The following POMT2 variants were observed in gnomAD, a reference collection of about 807,000 sequenced individuals.
The protein encoded by POMT2 is protein O-mannosyltransferase 2.
A neutral mutation model predicts 100.0 loss-of-function variants in POMT2; 75 were observed. The ratio of observed to expected loss-of-function variants is 0.75; its 90% CI spans 0.62 to 0.91. The LOEUF (loss-of-function observed/expected upper bound fraction) is 0.91. Ranked by LOEUF, POMT2 falls within the 40% of genes least tolerant of loss-of-function variation. The pLI, the probability that POMT2 is intolerant of heterozygous loss-of-function variation, is 0.00. For missense variants in POMT2, 940 were observed against 955.1 expected, an observed-to-expected ratio of 0.98 and a Z score of 0.21; for synonymous variants, 378 against 374.1, an observed-to-expected ratio of 1.01 and a Z score of -0.12.
intron 4 of POMT2, 152 bp downstream of exon 4, chr14:77,304,540 C>A (rs1891158727): frequency 7.9e-7 from 1 of 1,259,446 alleles, no homozygotes; most frequent in Non-Finnish European, 1.1e-6. Flanking sequence ...TTAAGTATTA[C>A]TAGTGAATGA....
intron 4 of POMT2, among the ~76,000 whole-genome samples, chr14:77,303,152 ACT>A (rs1210033617): frequency 6.6e-6 from 1 of 151,988 alleles, no homozygotes; most frequent in Non-Finnish European, 1.5e-5. Flanking sequence ...AGAAGCAGTA[ACT>A]CACACTGCCT....
chr14:77,292,727 C>T (rs1890681244), intron 9 of POMT2, among the ~76,000 whole-genome samples: 1 of 152,076 alleles, frequency 6.6e-6, no homozygotes. Context: ...TTTACTATAC[C>T]ATTTCCATGT....
At chr14:77,279,078 C>A in intron 18 of POMT2, 1 of 680,796 alleles carries the variant, frequency 1.5e-6, no homozygotes, top group Non-Finnish European at 2.6e-6. Context: ...GCCTGGGCAC[C>A]AATGGCAGGT....
intron 16 of POMT2, 75 bp downstream of exon 16, chr14:77,280,317 C>A (rs1476222962): frequency 1.2e-6 from 2 of 1,603,156 alleles, no homozygotes; most frequent in Non-Finnish European, 1.7e-6. Flanking sequence ...AGTACACCCA[C>A]CCCCGCCTCC....
Position 77,306,272 on chromosome 14 carries a change from A to G in POMT2, c.438+65T>C, listed in dbSNP as rs566361290. 120 of 1,600,590 alleles carry G rather than the reference A, an allele frequency of 7.5e-5. No homozygotes were observed. The East Asian group carries it at 2.3e-3, about 31-fold the overall frequency. On this transcript the variant is annotated intron_variant, in intron 3 of 20. Transcript: ENST00000261534. Reference sequence around the variant, plus strand: ...TGCCACCACGCCAGGGCTGCTAACTATAACATTTCTGGTTTAGTGTGGCCC... The same window carrying G: ...TGCCACCACGCCAGGGCTGCTAACTGTAACATTTCTGGTTTAGTGTGGCCC...
chr14:77,276,352 A>C lies in POMT2; in HGVS notation c.*1024T>G, dbSNP rs1889952548. ...GGAGGGGTGAGCAGAGGAGGACTGC[A>C]GAAGTGACACTGGGAAAGCTCAGCA... On this transcript the variant is annotated 3_prime_UTR_variant, in exon 21 of 21. Coordinates refer to ENST00000261534, the MANE Select transcript of POMT2 (RefSeq NM_013382.7). 6.5e-6 allele frequency: 1 copy of C among 152,860 alleles called. No homozygotes were observed. The highest frequency in any genetic ancestry group is 2.4e-5 in the African/African-American group (1 of 41,470). The allele number at this position is 152,860 out of a possible 1,614,324, so 9.5% of individuals were successfully genotyped here. A position where few individuals can be genotyped will look rare whatever the true frequency, so the allele number is the denominator to read the frequency against.
intron 5 of POMT2, 147 bp from the exon 6 acceptor site, chr14:77,301,396 G>T: frequency 9.1e-7 from 1 of 1,096,164 alleles, no homozygotes; most frequent in Non-Finnish European, 1.3e-6. Context: ...CCATGGCGTG[G>T]CTCCATGGAG....
chr14:77,278,736 C>A lies in POMT2; in HGVS notation c.2025G>T (p.Met675Ile). The change falls in exon 19 of 21, where the codon ATG (methionine) becomes ATT (isoleucine). Residue 675 changes from methionine to isoleucine, a missense_variant. By Grantham distance (10) the Met-to-Ile change is conservative. Coordinates refer to ENST00000261534, the MANE Select transcript of POMT2 (RefSeq NM_013382.7). ...HYFPAMLFSSMLTGILWDTLL... is the reference protein window; with the variant it reads ...HYFPAMLFSSILTGILWDTLL... ...CAGGTGGGTGGCACTGACCTGTCAA[C>A]ATGCTTGAGAAGAGCATGGCTGGGA... 1.2e-6 allele frequency: 2 copies of A among 1,613,952 alleles called. No individual in the cohort carries two copies.
intron 2 of POMT2, among the ~76,000 whole-genome samples, chr14:77,311,366 C>A (rs1891430433): frequency 6.6e-6 from 1 of 152,192 alleles, no homozygotes; most frequent in African/African-American, 2.4e-5. Context: ...TAACATCCAC[C>A]ATTTTAAAGT....
intron 10 of POMT2, 123 bp from the exon 11 acceptor site, chr14:77,288,954 T>G: frequency 1.2e-6 from 1 of 831,784 alleles, no homozygotes; most frequent in South Asian, 1.4e-5. Context: ...CCAGGTACTC[T>G]GAGACCAAAG....
At chr14:77,288,852 T>C (rs767800401) in intron 10 of POMT2, 21 bp from the exon 11 acceptor site, 13 of 1,609,038 alleles carry the variant, frequency 8.1e-6, no homozygotes, top group Non-Finnish European at 1.1e-5. Context: ...GAAACAAGCA[T>C]TGATATCCAA....
At chr14:77,302,806 C>T (rs754635214) in intron 5 of POMT2, 29 bp downstream of exon 5, 2 of 1,582,712 alleles carry the variant, frequency 1.3e-6, no homozygotes, top group South Asian at 1.1e-5. Flanking sequence ...AGCTTCCAAC[C>T]CTCCCCTCCC....
At chr14:77,306,595 G>T in intron 2 of POMT2, 154 bp from the exon 3 acceptor site, 1 of 754,628 alleles carries the variant, frequency 1.3e-6, no homozygotes, top group Non-Finnish European at 2.2e-6. Context: ...TCCTGCAGCT[G>T]CCACAGAGCA....
chr14:77,298,149 A>C (rs1186220042), intron 8 of POMT2, among the ~76,000 whole-genome samples: 1 of 151,804 alleles, frequency 6.6e-6, no homozygotes, highest in Non-Finnish European at 1.5e-5. Context: ...CCAGGGCCTG[A>C]CTCCAAGGCA....
chr14:77,276,365 G>A lies in POMT2; in HGVS notation c.*1011C>T, dbSNP rs1889953391. On this transcript the variant is annotated 3_prime_UTR_variant, in exon 21 of 21. Coordinates refer to ENST00000261534, the MANE Select transcript of POMT2 (RefSeq NM_013382.7). Reference sequence around the variant, plus strand: ...GAGGAGGACTGCAGAAGTGACACTGGGAAAGCTCAGCAGGTGACAGGAACA... The same window carrying A: ...GAGGAGGACTGCAGAAGTGACACTGAGAAAGCTCAGCAGGTGACAGGAACA... The A allele has an allele frequency of 6.5e-6, 1 of 152,744 alleles. No individual in the cohort carries two copies. The highest frequency in any genetic ancestry group is 2.1e-4 in the South Asian group (1 of 4,836). The allele number at this position is 152,744 out of a possible 1,614,324, so 9.5% of individuals were successfully genotyped here. A position where few individuals can be genotyped will look rare whatever the true frequency, so the allele number is the denominator to read the frequency against.
chr14:77,311,063 G>A (rs1341756585), intron 2 of POMT2, among the ~76,000 whole-genome samples: 1 of 152,250 alleles, frequency 6.6e-6, no homozygotes, highest in Non-Finnish European at 1.5e-5. Flanking sequence ...AACTTGGGAA[G>A]CAGAAGTTGC....
chr14:77,318,169 A>C (rs1019885951), intron 1 of POMT2, among the ~76,000 whole-genome samples: 2 of 152,198 alleles, frequency 1.3e-5, no homozygotes, highest in Non-Finnish European at 2.9e-5. Context: ...AAGAGAAGGG[A>C]AACAATGTTC....
At chr14:77,296,338 A>G (rs1890831022) in intron 8 of POMT2, 65 bp from the exon 9 acceptor site, 2 of 1,190,794 alleles carry the variant, frequency 1.7e-6, no homozygotes, top group South Asian at 2.6e-5. Flanking sequence ...CGTGCCTGCG[A>G]GGAGCCTCGG....
At chr14:77,286,995 G>A in intron 11 of POMT2, 173 bp from the exon 12 acceptor site, 1 of 1,336,452 alleles carries the variant, frequency 7.5e-7, no homozygotes, top group Non-Finnish European at 1.0e-6. Flanking sequence ...GAAATATCCT[G>A]AGAACTGGAG....
Sources: allele counts gnomAD v4.1 joint callset (sites outside exome capture counted in the v4.1 genomes callset), GRCh38; gene constraint gnomAD v4.1.1; transcripts MANE v1.5; gene names NCBI Gene and HGNC (gene_info 2026-07-23, HGNC 2026-07-21).